The following MYO3B variants were observed in gnomAD, a reference collection of about 807,000 sequenced individuals.
MYO3B encodes myosin IIIB.
In MYO3B, 156 loss-of-function variants were observed where a neutral mutation model predicts 174.6. The observed-to-expected ratio is 0.89, with a 90% CI of 0.78 to 1.02. The LOEUF is 1.02. Among genes scored for constraint, MYO3B ranks in the 50% least tolerant of loss-of-function variants. MYO3B has a pLI of 0.00. For synonymous variants in MYO3B, 563 were observed against 569.1 expected (o/e 0.99, Z 0.15); for missense variants, 1,632 against 1,639.4 (o/e 1.00, Z 0.08).
At chr2:170,405,824 A>G (rs1035245517) in intron 21 of MYO3B, among the ~76,000 whole-genome samples, 191 bp downstream of exon 21, 4 of 152,098 alleles carry the variant, frequency 2.6e-5, no homozygotes, top group African/African-American at 9.7e-5. Flanking sequence ...CATAGAAGCA[A>G]TTTCTCACTG....
chr2:170,249,974 C>T (rs1312149672), intron 7 of MYO3B, among the ~76,000 whole-genome samples: 5 of 152,204 alleles, frequency 3.3e-5, no homozygotes, highest in Non-Finnish European at 7.3e-5. Flanking sequence ...CCTCCTATGA[C>T]AAGCTCTTCA....
At chr2:170,180,582 G>GT (rs869108060) in intron 1 of MYO3B, among the ~76,000 whole-genome samples, 2 of 151,952 alleles carry the variant, frequency 1.3e-5, no homozygotes, top group African/African-American at 4.8e-5. Context: ...TCTCTTATAT[G>GT]TTTTTTTAAA....
At chr2:170,459,697 G>A (rs564331579) in intron 23 of MYO3B, among the ~76,000 whole-genome samples, 148 of 152,288 alleles carry the variant, frequency 9.7e-4, no homozygotes, top group Non-Finnish European at 1.2e-3. Flanking sequence ...CCGTCGAGGA[G>A]GCTCAAGGCT....
intron 9 of MYO3B, among the ~76,000 whole-genome samples, chr2:170,381,374 A>C (rs2094334305): frequency 6.6e-6 from 1 of 152,210 alleles, no homozygotes; most frequent in African/African-American, 2.4e-5. Flanking sequence ...ATAACTAAAC[A>C]TACAGAACCT....
intron 7 of MYO3B, among the ~76,000 whole-genome samples, chr2:170,331,407 T>C (rs2093910671): frequency 6.6e-6 from 1 of 151,946 alleles, no homozygotes; most frequent in Non-Finnish European, 1.5e-5. Flanking sequence ...AAGAAGGACA[T>C]TGGAGTAGTA....
At chr2:170,612,002 G>A (rs1275289996) in intron 32 of MYO3B, among the ~76,000 whole-genome samples, 1 of 152,186 alleles carries the variant, frequency 6.6e-6, no homozygotes. Flanking sequence ...CTCCAGGCCA[G>A]TTCTCAGGGA....
At chr2:170,225,036 A>T (rs1260072063) in intron 6 of MYO3B, among the ~76,000 whole-genome samples, 1 of 152,266 alleles carries the variant, frequency 6.6e-6, no homozygotes, top group Admixed American at 6.5e-5. Flanking sequence ...TGAGAAAGAC[A>T]TACAACACTA....
At chr2:170,213,103 A>T (rs1256061910) in intron 3 of MYO3B, among the ~76,000 whole-genome samples, 1 of 152,216 alleles carries the variant, frequency 6.6e-6, no homozygotes, top group Non-Finnish European at 1.5e-5. Context: ...TAGCAAACCC[A>T]AACCTGCACG....
At chr2:170,479,912 G>A (rs1339480251) in intron 25 of MYO3B, among the ~76,000 whole-genome samples, 1 of 146,634 alleles carries the variant, frequency 6.8e-6, no homozygotes, top group Non-Finnish European at 1.5e-5. Context: ...ATATTTTATA[G>A]GTTTAATATG....
chr2:170,415,153 C>T (rs567779880), intron 22 of MYO3B, among the ~76,000 whole-genome samples: 4 of 152,266 alleles, frequency 2.6e-5, no homozygotes, highest in African/African-American at 4.8e-5. Flanking sequence ...GCTTTGTTCC[C>T]GATCCTGAGG....
intron 3 of MYO3B, among the ~76,000 whole-genome samples, chr2:170,212,367 G>C (rs1036298163): frequency 1.3e-5 from 2 of 152,022 alleles, no homozygotes; most frequent in Admixed American, 6.6e-5. Flanking sequence ...CGACATTCCT[G>C]ACCTCCAGGA....
At chr2:170,374,377 G>T (rs2094272821) in intron 9 of MYO3B, among the ~76,000 whole-genome samples, 1 of 152,128 alleles carries the variant, frequency 6.6e-6, no homozygotes, top group Admixed American at 6.5e-5. Flanking sequence ...TTCAGTGAGG[G>T]GATGATGAGA....
chr2:170,447,624 C>T (rs774485030), intron 23 of MYO3B, among the ~76,000 whole-genome samples: 3 of 152,204 alleles, frequency 2.0e-5, no homozygotes, highest in African/African-American at 4.8e-5. Context: ...TAAACCACAT[C>T]GGGTGGTGTA....
intron 22 of MYO3B, among the ~76,000 whole-genome samples, chr2:170,418,302 A>C (rs2094593932): frequency 6.6e-6 from 1 of 152,232 alleles, no homozygotes; most frequent in South Asian, 2.1e-4. Context: ...TGAGTCTGAC[A>C]ATAAAGCATT....
chr2:170,210,370 C>T (rs893120296), intron 3 of MYO3B, among the ~76,000 whole-genome samples: 2 of 152,174 alleles, frequency 1.3e-5, no homozygotes, highest in African/African-American at 4.8e-5. Flanking sequence ...ATTTCCATGC[C>T]TTCTTGTAAT....
At chr2:170,634,806 G>T (rs935338845) in intron 32 of MYO3B, among the ~76,000 whole-genome samples, 1 of 152,122 alleles carries the variant, frequency 6.6e-6, no homozygotes, top group Non-Finnish European at 1.5e-5. Context: ...GTGGGCAAAG[G>T]ATATGAACAG....
At chr2:170,561,614 CT>C (rs1221514199) in intron 32 of MYO3B, among the ~76,000 whole-genome samples, 1 of 152,182 alleles carries the variant, frequency 6.6e-6, no homozygotes, top group Non-Finnish European at 1.5e-5. Flanking sequence ...GTTAAGAATT[CT>C]TGTACTAATG....
chr2:170,348,038 C>G (rs2094030626), intron 8 of MYO3B: 1 of 152,156 alleles, frequency 6.6e-6, no homozygotes, highest in African/African-American at 2.4e-5. Context: ...TGCAGTGGTT[C>G]ACACGTAACA....
chr2:170,306,289 G>T (rs2093700373), intron 7 of MYO3B, among the ~76,000 whole-genome samples: 1 of 152,192 alleles, frequency 6.6e-6, no homozygotes, highest in Non-Finnish European at 1.5e-5. Flanking sequence ...GTTAGTCACA[G>T]CAGTTACAGA....
Sources: allele counts gnomAD v4.1 joint callset (sites outside exome capture counted in the v4.1 genomes callset), GRCh38; gene constraint gnomAD v4.1.1; transcripts MANE v1.5; gene names NCBI Gene and HGNC (gene_info 2026-07-23, HGNC 2026-07-21).